Variants in DCX observed in about 807,000 individuals in gnomAD.
The protein encoded by DCX is doublecortin, also known as neuronal migration protein doublecortin.
Under a neutral mutation model 20.9 loss-of-function variants are expected in DCX, and 4 were observed. The observed-to-expected ratio is 0.19, with a 90% CI of 0.09 to 0.44. The LOEUF (loss-of-function observed/expected upper bound fraction) is 0.44, where lower values mean the gene tolerates loss of function less well. Ranked by LOEUF, DCX falls within the 20% of genes least tolerant of loss-of-function variation. The probability of loss-of-function intolerance (pLI) is 0.99; values close to 1 mark genes in which losing one functional copy is unlikely to be tolerated. For synonymous variants in DCX, 103 were observed against 111.4 expected, an observed-to-expected ratio of 0.92 and a Z score of 0.47; for missense variants, 133 against 296.9, an observed-to-expected ratio of 0.45 and a Z score of 4.06.
At chrX:111,307,080 TG>T (rs1171723155) in intron 6 of DCX, among the ~76,000 whole-genome samples, 3 of 110,531 alleles carry the variant, frequency 2.7e-5, no homozygotes, top group Non-Finnish European at 3.8e-5. Flanking sequence ...AAGTAGATAG[TG>T]GTATACTAAA....
At chrX:111,387,368 G>T (rs1276118705) in intron 3 of DCX, among the ~76,000 whole-genome samples, 1 of 112,132 alleles carries the variant, frequency 8.9e-6, no homozygotes, top group East Asian at 2.8e-4. Context: ...AAAGGCAAAA[G>T]TGCCTAGGGC....
In DCX at chrX:111,401,029, G is replaced by C; in HGVS notation, c.666C>G (p.Thr222=). 8.3e-7 allele frequency: 1 copy of C among 1,211,016 alleles called. No homozygotes were observed. The highest frequency in any genetic ancestry group is 1.1e-6 in the Non-Finnish European group (1 of 895,070). Residue 222 remains threonine (T), a synonymous_variant, in exon 3 of 7, where the codon ACC becomes ACG. Coordinates refer to ENST00000636035, the MANE Select transcript of DCX (RefSeq NM_001195553.2). ...GAGTGTAGAGTTTTTTGACAACCCC[G>C]GTCTCCAGTTTGATGGCTTCTGTGA... ...TDITEAIKLE[T]GVVKKLYTLD...
chrX:111,395,403 G>A (rs1048663997), intron 3 of DCX, among the ~76,000 whole-genome samples: 1 of 112,037 alleles, frequency 8.9e-6, no homozygotes, highest in Non-Finnish European at 1.9e-5. Context: ...TCACACCTCT[G>A]TCACTGCTCA....
At chrX:111,392,749 C>T in intron 3 of DCX, among the ~76,000 whole-genome samples, 1 of 111,669 alleles carries the variant, frequency 9.0e-6, no homozygotes, top group East Asian at 2.8e-4. Context: ...TTGAACTGTA[C>T]ACTTTGAATA....
rs1383854083 is a variant in DCX, at chrX:111,301,747, T to A, written c.1045-4A>T. ...AGGACAGAGGCAGGTACAGGTCCTA[T>A]AAGAAGAGAAGAGACAAAGTTAATT... On this transcript the variant is annotated splice_polypyrimidine_tract_variant and splice_region_variant and intron_variant, in intron 6 of 6. Coordinates refer to ENST00000636035, the MANE Select transcript of DCX (RefSeq NM_001195553.2). The A allele has an allele frequency of 8.3e-7, 1 of 1,209,618 alleles. No individual in the cohort carries two copies. Among genetic ancestry groups the A allele is most frequent in the South Asian group, 1.8e-5 (1 of 56,902 alleles).
At position 111,401,403 on chromosome X, in the gene DCX, C is replaced by T; in HGVS notation, c.365-73G>A. The stretch of plus-strand genomic sequence containing the variant: ...ATGGATTATTCTAACCAAACTAATA[C>T]ACACTGACACTGGAGTAGAACTTTT... On this transcript the variant is annotated intron_variant, in intron 2 of 6. Coordinates refer to ENST00000636035, the MANE Select transcript of DCX (RefSeq NM_001195553.2). 9 of 905,542 alleles carry T rather than the reference C, an allele frequency of 9.9e-6. 1 individual carries two copies. The highest frequency in any genetic ancestry group is 1.4e-5 in the Non-Finnish European group (9 of 622,366). 74.6% of individuals were successfully genotyped at this position (905,542 alleles called of 1,213,427 possible).
intron 3 of DCX, among the ~76,000 whole-genome samples, chrX:111,355,162 G>T (rs1923629259): frequency 4.5e-5 from 5 of 111,925 alleles, no homozygotes; most frequent in Admixed American, 1.9e-4. Flanking sequence ...ACATATTTTG[G>T]TTCTTAATCT....
At chrX:111,303,293 T>C (rs1347589993) in intron 6 of DCX, among the ~76,000 whole-genome samples, 1 of 109,898 alleles carries the variant, frequency 9.1e-6, no homozygotes. Flanking sequence ...CAAAGAGAAC[T>C]GGAAAGTATA....
intron 3 of DCX, among the ~76,000 whole-genome samples, chrX:111,385,227 C>T (rs1002816731): frequency 1.2e-4 from 13 of 112,359 alleles, no homozygotes; most frequent in Non-Finnish European, 2.4e-4. Context: ...ACAGGAGAAC[C>T]CTGACCACAA....
intron 6 of DCX, among the ~76,000 whole-genome samples, chrX:111,306,711 A>T (rs2095046098): frequency 8.9e-6 from 1 of 111,882 alleles, no homozygotes; most frequent in South Asian, 3.8e-4. Context: ...TTTAAATGAT[A>T]CAAATTATAT....
chrX:111,350,951 C>T (rs1273003811), intron 3 of DCX, among the ~76,000 whole-genome samples: 1 of 111,864 alleles, frequency 8.9e-6, no homozygotes, highest in South Asian at 3.8e-4. Flanking sequence ...AAGGGGTTTC[C>T]CCCTTATAAA....
At chrX:111,345,183 T>C (rs1922690411) in intron 3 of DCX, among the ~76,000 whole-genome samples, 1 of 112,004 alleles carries the variant, frequency 8.9e-6, no homozygotes, top group Admixed American at 9.5e-5. Flanking sequence ...AAAAACTGGC[T>C]AGCCATATGT....
chrX:111,386,845 C>T (rs1926557496), intron 3 of DCX, among the ~76,000 whole-genome samples: 1 of 111,190 alleles, frequency 9.0e-6, no homozygotes, highest in African/African-American at 3.3e-5. Context: ...CCATCATTCC[C>T]AGAAGCCTCT....
chrX:111,387,013 T>C (rs1238872207), intron 3 of DCX, among the ~76,000 whole-genome samples: 2 of 111,786 alleles, frequency 1.8e-5, no homozygotes, highest in East Asian at 5.6e-4. Flanking sequence ...TTGGTACATC[T>C]CAATTAGTAG....
intron 3 of DCX, among the ~76,000 whole-genome samples, chrX:111,391,336 C>T (rs979426605): frequency 9.0e-6 from 1 of 111,572 alleles, no homozygotes; most frequent in African/African-American, 3.3e-5. Flanking sequence ...GCCTTCCAGT[C>T]ATGCTTCCTA....
intron 3 of DCX, among the ~76,000 whole-genome samples, chrX:111,386,883 C>G: frequency 9.0e-6 from 1 of 111,406 alleles, no homozygotes; most frequent in African/African-American, 3.3e-5. Context: ...ACGCAGATTT[C>G]TATTCCCAAC....
intron 3 of DCX, among the ~76,000 whole-genome samples, chrX:111,365,902 T>C (rs1924589697): frequency 9.0e-6 from 1 of 111,417 alleles, no homozygotes; most frequent in African/African-American, 3.3e-5. Flanking sequence ...CTCTTTGCTG[T>C]GGGGTTGAGG....
chrX:111,343,379 T>C (rs1350382993), intron 3 of DCX, among the ~76,000 whole-genome samples: 23 of 106,376 alleles, frequency 2.2e-4, no homozygotes, highest in African/African-American at 7.2e-4. Flanking sequence ...CAGGAAGAAA[T>C]TGAATCCCTG....
At chrX:111,407,556 C>T (rs1045688675) in intron 2 of DCX, among the ~76,000 whole-genome samples, 1 of 111,235 alleles carries the variant, frequency 9.0e-6, no homozygotes, top group Non-Finnish European at 1.9e-5. Context: ...GTATTGAGGT[C>T]CACTGTGCCT....
Sources: gnomAD v4.1 joint callset for allele counts (sites outside exome capture counted in the v4.1 genomes callset) on GRCh38, gnomAD v4.1.1 for gene constraint, MANE v1.5 for transcripts, NCBI Gene and HGNC (gene_info 2026-07-23, HGNC 2026-07-21) for gene names.